The following EYA1 variants were observed in gnomAD, a reference collection of about 807,000 sequenced individuals.
The protein encoded by EYA1 is protein phosphatase EYA1.
Under a neutral mutation model 82.0 loss-of-function variants are expected in EYA1, and 16 were observed. The ratio of observed to expected loss-of-function variants is 0.20; its 90% confidence interval spans 0.13 to 0.30. The LOEUF (loss-of-function observed/expected upper bound fraction) is 0.30, where lower values mean the gene tolerates loss of function less well. EYA1 is among the 10% of genes least tolerant of loss of function. The pLI, the probability that EYA1 is intolerant of heterozygous loss-of-function variation, is 1.00. For synonymous variants in EYA1, 261 were observed against 264.4 expected, an observed-to-expected ratio of 0.99 and a Z score of 0.12; for missense variants, 633 against 730.7, an observed-to-expected ratio of 0.87 and a Z score of 1.54.
At chr8:71,216,269 CA>C (rs1294273918) in intron 14 of EYA1, among the ~76,000 whole-genome samples, 1 of 152,178 alleles carries the variant, frequency 6.6e-6, no homozygotes, top group Non-Finnish European at 1.5e-5. Flanking sequence ...ATTATTAAGT[CA>C]CTGTATTTCC....
chr8:71,422,804 A>C (rs1233474671), intron 2 of EYA1, among the ~76,000 whole-genome samples: 4 of 152,166 alleles, frequency 2.6e-5, no homozygotes, highest in Non-Finnish European at 5.9e-5. Flanking sequence ...GAACAGCATG[A>C]GGGTAACCGC....
chr8:71,405,754 C>T (rs1205982729), intron 2 of EYA1, among the ~76,000 whole-genome samples: 1 of 152,090 alleles, frequency 6.6e-6, no homozygotes, highest in African/African-American at 2.4e-5. Context: ...GCATGTGCAA[C>T]CTTTCCATAT....
At chr8:71,527,429 C>T (rs898716164) in intron 2 of EYA1, among the ~76,000 whole-genome samples, 1 of 152,104 alleles carries the variant, frequency 6.6e-6, no homozygotes, top group South Asian at 2.1e-4. Flanking sequence ...CTTCATTTTA[C>T]AAATAAAGAA....
chr8:71,330,983 C>T (rs1357315454), intron 4 of EYA1, among the ~76,000 whole-genome samples: 1 of 152,016 alleles, frequency 6.6e-6, no homozygotes, highest in Non-Finnish European at 1.5e-5. Flanking sequence ...GTAATCCCAG[C>T]ACTTTGGGAG....
At chr8:71,357,693 C>T (rs1827020627) in intron 1 of EYA1, among the ~76,000 whole-genome samples, 1 of 152,190 alleles carries the variant, frequency 6.6e-6, no homozygotes, top group Admixed American at 6.5e-5. Context: ...ATAAGAAATA[C>T]TACCTTTCTA....
intron 2 of EYA1, among the ~76,000 whole-genome samples, chr8:71,477,283 G>A (rs1327095280): frequency 6.6e-6 from 1 of 152,036 alleles, no homozygotes; most frequent in Non-Finnish European, 1.5e-5. Flanking sequence ...AAAAAGACAA[G>A]CTACAGAATA....
intron 2 of EYA1, 110 bp downstream of exon 2, chr8:71,356,352 A>G (rs1315152942): frequency 1.1e-6 from 1 of 924,036 alleles, no homozygotes; most frequent in East Asian, 2.7e-5. Context: ...AGTAATTTCC[A>G]ACAGAGGCTG....
chr8:71,260,169 A>G (rs534866141), intron 11 of EYA1, among the ~76,000 whole-genome samples: 10 of 152,312 alleles, frequency 6.6e-5, no homozygotes, highest in Non-Finnish European at 1.2e-4. Context: ...ATTTTTCTAA[A>G]TTGAAAACAA....
At chr8:71,496,393 C>T (rs974445340) in intron 2 of EYA1, among the ~76,000 whole-genome samples, 3 of 152,112 alleles carry the variant, frequency 2.0e-5, no homozygotes, top group Admixed American at 6.5e-5. Flanking sequence ...TTAGATTATA[C>T]CCTGATACTG....
chr8:71,470,964 C>G (rs993169757), intron 2 of EYA1: 1 of 434,256 alleles, frequency 2.3e-6, no homozygotes. Flanking sequence ...GGGAGAAAAA[C>G]CTTACCCAGC....
intron 3 of EYA1, among the ~76,000 whole-genome samples, chr8:71,344,614 G>T (rs1252260417): frequency 2.0e-5 from 3 of 152,150 alleles, no homozygotes; most frequent in Non-Finnish European, 4.4e-5. Flanking sequence ...CAGCCAAAAA[G>T]CCCAGTGTTT....
chr8:71,545,133 T>C (rs1258547642), intron 1 of EYA1, among the ~76,000 whole-genome samples: 1 of 152,252 alleles, frequency 6.6e-6, no homozygotes, highest in Non-Finnish European at 1.5e-5. Flanking sequence ...CTGGCACTTA[T>C]CAACTCTATA....
intron 12 of EYA1, among the ~76,000 whole-genome samples, chr8:71,233,420 T>C (rs973327748): frequency 1.2e-4 from 18 of 151,886 alleles, no homozygotes; most frequent in Admixed American, 5.9e-4. Context: ...AAAAATTAGT[T>C]GGGCGTGGTG....
intron 2 of EYA1, among the ~76,000 whole-genome samples, chr8:71,355,496 C>CT (rs1418181103): frequency 6.6e-6 from 1 of 152,188 alleles, no homozygotes; most frequent in Non-Finnish European, 1.5e-5. Context: ...TGGCAAACTA[C>CT]TTAATTGTTC....
chr8:71,535,761 C>G, exon 2 of EYA1: 1 of 1,520,606 alleles, frequency 6.6e-7, no homozygotes, highest in East Asian at 2.5e-5. Flanking sequence ...CCATTTATCC[C>G]CCGGGGGTCT....
intron 2 of EYA1, among the ~76,000 whole-genome samples, chr8:71,441,809 G>A (rs1007326873): frequency 2.0e-5 from 3 of 152,218 alleles, no homozygotes; most frequent in South Asian, 2.1e-4. Flanking sequence ...TTTAGAAGTG[G>A]GGTCTTTGGG....
At chr8:71,309,021 T>C (rs985430942) in intron 7 of EYA1, among the ~76,000 whole-genome samples, 4 of 152,224 alleles carry the variant, frequency 2.6e-5, no homozygotes, top group Non-Finnish European at 4.4e-5. Context: ...GGAAAAGCTT[T>C]CGAAGGCCAG....
At chr8:71,231,943 T>C (rs747507976) in intron 12 of EYA1, among the ~76,000 whole-genome samples, 7 of 152,224 alleles carry the variant, frequency 4.6e-5, no homozygotes, top group Non-Finnish European at 7.3e-5. Context: ...ATCCAGTTAT[T>C]AGGCCCCGCT....
intron 2 of EYA1, among the ~76,000 whole-genome samples, chr8:71,447,579 C>T (rs773704181): frequency 1.3e-5 from 2 of 152,024 alleles, no homozygotes; most frequent in Admixed American, 6.6e-5. Flanking sequence ...TAATTCATTG[C>T]CACTGAATGC....
Sources: gnomAD v4.1 joint callset for allele counts (sites outside exome capture counted in the v4.1 genomes callset) on GRCh38, gnomAD v4.1.1 for gene constraint, MANE v1.5 for transcripts, NCBI Gene and HGNC (gene_info 2026-07-23, HGNC 2026-07-21) for gene names.